TNK2: variants seen among roughly 807,000 people sequenced by gnomAD.
The protein encoded by TNK2 is activated CDC42 kinase 1.
In TNK2, 83 loss-of-function variants were observed where a neutral mutation model predicts 101.8. That is an observed-to-expected ratio of 0.82 (90% CI 0.68 to 0.98). The LOEUF is 0.98. Among genes scored for constraint, TNK2 ranks in the 50% least tolerant of loss-of-function variants. The pLI, the probability that TNK2 is intolerant of heterozygous loss-of-function variation, is 0.00. For synonymous variants in TNK2, 804 were observed against 633.0 expected (o/e 1.27, Z -4.06); for missense variants, 1,665 against 1,483.2 (o/e 1.12, Z -2.01).
intron 10 of TNK2, among the ~76,000 whole-genome samples, chr3:195,872,059 T>C (rs1019810798): frequency 1.3e-5 from 2 of 148,170 alleles, no homozygotes; most frequent in Non-Finnish European, 3.0e-5. Flanking sequence ...AACACTCCCC[T>C]GGAGAACATT....
rs1485964500 is a variant in TNK2 at position 195,869,455 on chromosome 3, G to A, written c.1588+42C>T. 6.5e-6 allele frequency: 10 copies of A among 1,540,844 alleles called. No homozygotes were observed. The African/African-American group carries it at 1.4e-4, about 21-fold the overall frequency. Reference sequence around the variant, plus strand: ...TCCAGGAGAGGAGTGAGAGAGAGGGGGCGGGGGCGGGGGCCAAGGCATCGG... The same window carrying A: ...TCCAGGAGAGGAGTGAGAGAGAGGGAGCGGGGGCGGGGGCCAAGGCATCGG... On this transcript the variant is annotated intron_variant, in intron 12 of 15. Coordinates refer to ENST00000672887, the MANE Select transcript of TNK2 (RefSeq NM_001382273.1).
At position 195,878,173 on chromosome 3, in the gene TNK2, C is replaced by G; in HGVS notation, c.1256+80G>C. On this transcript the variant is annotated intron_variant, in intron 9 of 15. Coordinates refer to ENST00000672887, the MANE Select transcript of TNK2 (RefSeq NM_001382273.1). This position sits in a 1 kb window ranked among gnomAD's most constrained non-coding sequence, Gnocchi z 4.7. ...ATGTGGCCAAGGGAATCTTGGAGGC[C>G]AAACAGATCTGTCCACAGGTCCCTC... 6.8e-7 allele frequency: 1 copy of G among 1,477,326 alleles called. No individual in the cohort carries two copies. The highest frequency in any genetic ancestry group is 9.4e-7 in the Non-Finnish European group (1 of 1,058,532). The allele number at this position is 1,477,326 out of a possible 1,614,324, so 91.5% of individuals were successfully genotyped here. A position where few individuals can be genotyped will look rare whatever the true frequency, so the allele number is the denominator to read the frequency against.
chr3:195,900,516 C>T (rs1296654943), intron 1 of TNK2, among the ~76,000 whole-genome samples: 2 of 152,208 alleles, frequency 1.3e-5, no homozygotes, highest in African/African-American at 4.8e-5. Flanking sequence ...GAAACCGTTT[C>T]ATGCTCCGCC....
At chr3:195,869,300 T>G in intron 12 of TNK2, 197 bp downstream of exon 12, 3 of 641,712 alleles carry the variant, frequency 4.7e-6, no homozygotes, top group Non-Finnish European at 8.3e-6. Flanking sequence ...GCCACACTCG[T>G]GAGCAGAAGC....
intron 1 of TNK2, among the ~76,000 whole-genome samples, chr3:195,890,054 G>A (rs1023725273): frequency 1.4e-4 from 22 of 152,198 alleles, no homozygotes; most frequent in Non-Finnish European, 2.6e-4. Flanking sequence ...TGCCAGTTCC[G>A]ACTTTTTCAG....
chr3:195,870,317 A>G (rs759173538), intron 10 of TNK2, 112 bp from the exon 11 acceptor site: 6 of 1,542,544 alleles, frequency 3.9e-6, no homozygotes, highest in Admixed American at 3.5e-5. Flanking sequence ...TTGGGTCTGA[A>G]GCACAGGCCT....
At chr3:195,892,418 A>G (rs968642031) in intron 1 of TNK2, 14 of 1,534,752 alleles carry the variant, frequency 9.1e-6, no homozygotes, top group African/African-American at 1.4e-5. Context: ...CACTGTGTAC[A>G]GGCGTCGCCG....
rs1346130838 is a variant in TNK2 at position 195,888,310 on chromosome 3, G to T, written c.163+116C>A. The T allele has an allele frequency of 1.8e-6, 2 of 1,115,584 alleles. No homozygotes were observed. Among genetic ancestry groups the T allele is most frequent in the Non-Finnish European group, 2.6e-6 (2 of 768,808 alleles). The allele number at this position is 1,115,584 out of a possible 1,614,324, so 69.1% of individuals were successfully genotyped here. A position where few individuals can be genotyped will look rare whatever the true frequency, so the allele number is the denominator to read the frequency against. On this transcript the variant is annotated intron_variant, in intron 2 of 15. Coordinates refer to ENST00000672887, the MANE Select transcript of TNK2 (RefSeq NM_001382273.1). This position sits in a 1 kb window ranked among gnomAD's most constrained non-coding sequence, Gnocchi z 5.3. ...ATCAGCACCTACTGATGTCCCTCCT[G>T]CTCCCTCAGGGCTCTGGGACAGAGT... is the stretch of plus-strand genomic sequence containing the variant.
chr3:195,879,104 A>G lies in TNK2; in HGVS notation c.959T>C (p.Leu320Pro). 1 of 1,613,700 alleles carries G rather than the reference A, an allele frequency of 6.2e-7. No individual in the cohort carries two copies. Among genetic ancestry groups the G allele is most frequent in the Non-Finnish European group, 8.5e-7 (1 of 1,179,988 alleles). Residue 320 changes from leucine (L) to proline (P), a missense_variant, in exon 7 of 16, where the codon CTG (leucine) becomes CCG (proline). Leu to Pro is a moderately conservative substitution (Grantham distance 98). Transcript: ENST00000672887. ...CTGGCCGTAGGTGAACATTTCCCACAGTGTCACCCCGAACATCCAGGTGTC... is the reference window on the plus strand; with the variant it reads ...CTGGCCGTAGGTGAACATTTCCCACGGTGTCACCCCGAACATCCAGGTGTC... Reference protein sequence around the residue: ...ASDTWMFGVTLWEMFTYGQEP... With the variant: ...ASDTWMFGVTPWEMFTYGQEP...
At chr3:195,899,010 G>A (rs1577118703) in intron 1 of TNK2, among the ~76,000 whole-genome samples, 3 of 151,946 alleles carry the variant, frequency 2.0e-5, no homozygotes, top group African/African-American at 4.8e-5. Flanking sequence ...GCAGGAGAAT[G>A]GCGTGAACCC....
Position 195,864,655 on chromosome 3 carries a change from C to CCGAGACAG in TNK2, c.3162-469_3162-468insCTGTCTCG, listed in dbSNP as rs1362189792. Among the ~76,000 whole-genome samples the CCGAGACAG allele has an allele frequency of 7.7e-4, 106 of 138,130 alleles. 10 individuals carry two copies. The highest frequency in any genetic ancestry group is 1.1e-3 in the East Asian group (5 of 4,650). 90.6% of individuals were successfully genotyped at this position (138,130 alleles called of 152,430 possible). A position where few individuals can be genotyped will look rare whatever the true frequency, so the allele number is the denominator to read the frequency against. On this transcript the variant is annotated intron_variant, in intron 15 of 15. Coordinates refer to ENST00000672887, the MANE Select transcript of TNK2 (RefSeq NM_001382273.1). ...CCAGATGCAAATCAGTAAGAACCAC[C>CCGAGACAG]TGAGACAGTGACAGACAGGTGACAG...
In TNK2 at chr3:195,885,655, G is replaced by A; in HGVS notation, c.235-622C>T. On this transcript the variant is annotated intron_variant, in intron 3 of 15. Transcript: ENST00000672887. This position sits in a 1 kb window ranked among gnomAD's most constrained non-coding sequence, Gnocchi z 4.7. ...GGCCTGGGAAGACAGCTGGGTCTCT[G>A]GAGGGGCGCCTAGAGCTGAGGGCTG... 8.4e-7 allele frequency: 1 copy of A among 1,187,756 alleles called. No individual in the cohort carries two copies. Among genetic ancestry groups the A allele is most frequent in the Non-Finnish European group, 1.1e-6 (1 of 897,128 alleles). The allele number at this position is 1,187,756 out of a possible 1,614,324, so 73.6% of individuals were successfully genotyped here. A position where few individuals can be genotyped will look rare whatever the true frequency, so the allele number is the denominator to read the frequency against.
chr3:195,871,745 G>A (rs1305387151), intron 10 of TNK2, among the ~76,000 whole-genome samples: 1 of 152,190 alleles, frequency 6.6e-6, no homozygotes, highest in Non-Finnish European at 1.5e-5. Flanking sequence ...GCTTCTCTCA[G>A]GACCCCTGCA....
chr3:195,900,719 C>T (rs781563413), intron 1 of TNK2, among the ~76,000 whole-genome samples: 142 of 152,326 alleles, frequency 9.3e-4, no homozygotes, highest in Non-Finnish European at 4.4e-4. Flanking sequence ...ACACGAGTGC[C>T]GCAGAGAGCT....
rs774359188 is a variant in TNK2 at position 195,888,543 on chromosome 3, C to T, written c.46G>A (p.Glu16Lys). ...AGGAAGTACTGTTGCAGCTGCACCTCGGACAGCAGCTCCAGCAGCCAGCCT... is the reference window on the plus strand; with the variant it reads ...AGGAAGTACTGTTGCAGCTGCACCTTGGACAGCAGCTCCAGCAGCCAGCCT... ...GTGWLLELLSEVQLQQYFLRL... is the reference protein window; with the variant it reads ...GTGWLLELLSKVQLQQYFLRL... Residue 16 changes from glutamate to lysine, a missense_variant, in exon 2 of 16, where the codon GAG becomes AAG. Physicochemically the swap from Glu to Lys is moderately conservative, Grantham distance 56. Around this residue, in one of 3 missense-constraint regions of TNK2, gnomAD observed 490 missense variants for 522.5 expected, o/e 0.94. Transcript: ENST00000672887. The surrounding 1 kb of genome is among the most constrained non-coding windows in gnomAD (Gnocchi z 5.3). 2.0e-5 allele frequency: 32 copies of T among 1,612,802 alleles called. No homozygotes were observed. Among genetic ancestry groups the T allele is most frequent in the African/African-American group, 2.7e-5 (2 of 74,876 alleles).
At chr3:195,907,983 T>TCGTGC (rs1466239701) in intron 1 of TNK2, 1 of 152,330 alleles carries the variant, frequency 6.6e-6, no homozygotes, top group Non-Finnish European at 1.5e-5. Context: ...CGGGCCAGGC[T>TCGTGC]CGTGCCGTAC....
chr3:195,885,117 G>A lies in TNK2; in HGVS notation c.235-84C>T. 1 of 1,380,462 alleles carries A rather than the reference G, an allele frequency of 7.2e-7. No individual in the cohort carries two copies. Among genetic ancestry groups the A allele is most frequent in the Non-Finnish European group, 9.8e-7 (1 of 1,022,634 alleles). The allele number at this position is 1,380,462 out of a possible 1,614,324, so 85.5% of individuals were successfully genotyped here. A position where few individuals can be genotyped will look rare whatever the true frequency, so the allele number is the denominator to read the frequency against. On this transcript the variant is annotated intron_variant, in intron 3 of 15. Coordinates refer to ENST00000672887, the MANE Select transcript of TNK2 (RefSeq NM_001382273.1). The surrounding 1 kb of genome is among the most constrained non-coding windows in gnomAD (Gnocchi z 4.7). ...TCCCACCCCGCTGGGTCCACCTGGTGATCCCCGGCTTCGGCTTCCAGATAG... is the reference window on the plus strand; with the variant it reads ...TCCCACCCCGCTGGGTCCACCTGGTAATCCCCGGCTTCGGCTTCCAGATAG...
At chr3:195,906,599 G>T (rs1761743466) in intron 1 of TNK2, among the ~76,000 whole-genome samples, 1 of 152,090 alleles carries the variant, frequency 6.6e-6, no homozygotes, top group African/African-American at 2.4e-5. Context: ...AGAGGAGCGG[G>T]GGATGGAGGG....
At chr3:195,895,668 C>G (rs1161027403) in intron 1 of TNK2, 15 of 1,121,718 alleles carry the variant, frequency 1.3e-5, no homozygotes, top group Non-Finnish European at 1.7e-5. Flanking sequence ...CCGGGCTCCA[C>G]TCAGCCCTCA....
Sources: gnomAD v4.1 joint callset for allele counts (sites outside exome capture counted in the v4.1 genomes callset) on GRCh38, gnomAD v4.1.1 for gene constraint, gnomAD v4.1.1 regional missense constraint, Gnocchi (gnomAD v3.1) non-coding constraint, MANE v1.5 for transcripts, NCBI Gene and HGNC (gene_info 2026-07-23, HGNC 2026-07-21) for gene names.